Variants in PAM observed in about 807,000 individuals in gnomAD.
PAM encodes peptidylglycine alpha-amidating monooxygenase, also known as peptidyl-glycine alpha-amidating monooxygenase.
Under a neutral mutation model 122.1 loss-of-function variants are expected in PAM, and 72 were observed. That is an observed-to-expected ratio of 0.59 (90% CI 0.49 to 0.72). PAM has a LOEUF of 0.72. Among genes scored for constraint, PAM ranks in the 30% least tolerant of loss-of-function variants. The pLI is 0.00. For synonymous variants in PAM, 389 were observed against 404.4 expected, an observed-to-expected ratio of 0.96 and a Z score of 0.46; for missense variants, 1,106 against 1,183.7, an observed-to-expected ratio of 0.93 and a Z score of 0.96.
chr5:103,018,698 G>A (rs1782706866), intron 22 of PAM, among the ~76,000 whole-genome samples: 1 of 152,156 alleles, frequency 6.6e-6, no homozygotes, highest in Admixed American at 6.5e-5. Flanking sequence ...TTTGAAAGAT[G>A]GAGAAGACTT....
At chr5:102,960,962 A>C (rs1206913056) in intron 13 of PAM, among the ~76,000 whole-genome samples, 196 bp from the exon 14 acceptor site, 1 of 110,282 alleles carries the variant, frequency 9.1e-6, no homozygotes, top group Admixed American at 1.3e-4. Flanking sequence ...GATGTCTTGT[A>C]ATTGGTAGGT....
At chr5:102,879,978 A>C (rs1790441249) in intron 3 of PAM, among the ~76,000 whole-genome samples, 1 of 152,112 alleles carries the variant, frequency 6.6e-6, no homozygotes, top group South Asian at 2.1e-4. Context: ...ACATATCCCC[A>C]TTGTTAAGTG....
chr5:103,008,815 G>T (rs1439188893), intron 20 of PAM, among the ~76,000 whole-genome samples: 1 of 151,968 alleles, frequency 6.6e-6, no homozygotes, highest in East Asian at 1.9e-4. Context: ...AATTAAGAGG[G>T]TGATCAAGTT....
chr5:102,911,456 A>AT (rs979814396), intron 4 of PAM, among the ~76,000 whole-genome samples: 86 of 152,044 alleles, frequency 5.7e-4, no homozygotes, highest in African/African-American at 2.0e-3. Context: ...AGTAGAGCAA[A>AT]TAAATAAGTG....
At chr5:102,994,525 G>A (rs933420602) in intron 16 of PAM, among the ~76,000 whole-genome samples, 2 of 152,094 alleles carry the variant, frequency 1.3e-5, no homozygotes, top group Admixed American at 1.3e-4. Flanking sequence ...TTTGATCAGT[G>A]TTACAATTAG....
chr5:102,993,027 A>G (rs566419607), intron 16 of PAM, among the ~76,000 whole-genome samples: 1 of 152,226 alleles, frequency 6.6e-6, no homozygotes, highest in African/African-American at 2.4e-5. Flanking sequence ...CCCACCTGGT[A>G]ACCCTGATCA....
intron 16 of PAM, among the ~76,000 whole-genome samples, chr5:103,000,723 CAAG>C (rs1777118712): frequency 1.3e-5 from 2 of 151,982 alleles, no homozygotes; most frequent in Non-Finnish European, 2.9e-5. Context: ...CACATGATGG[CAAG>C]AAGGAGAAGT....
intron 15 of PAM, among the ~76,000 whole-genome samples, chr5:102,985,575 A>G (rs1016556186): frequency 4.6e-5 from 7 of 152,110 alleles, no homozygotes; most frequent in African/African-American, 1.7e-4. Flanking sequence ...GAACACACCA[A>G]TAACAGGTAA....
At position 103,007,452 on chromosome 5, in the gene PAM, T is replaced by G; in HGVS notation, c.2015-5T>G. ...GTGTATCTAAGGCTTTTTTTTGTTCTGCAGAGTCTTCAGGGAGCAGTCCTC... is the reference window on the plus strand; with the variant it reads ...GTGTATCTAAGGCTTTTTTTTGTTCGGCAGAGTCTTCAGGGAGCAGTCCTC... On this transcript the variant is annotated splice_region_variant and splice_polypyrimidine_tract_variant and intron_variant, in intron 19 of 25. Coordinates refer to ENST00000438793, the MANE Select transcript of PAM (RefSeq NM_001177306.2). The G allele has an allele frequency of 6.2e-7, 1 of 1,613,198 alleles. No homozygotes were observed. Among genetic ancestry groups the G allele is most frequent in the Non-Finnish European group, 8.5e-7 (1 of 1,179,308 alleles).
chr5:102,788,811 A>G (rs1427921959), intron 1 of PAM, among the ~76,000 whole-genome samples: 1 of 152,154 alleles, frequency 6.6e-6, no homozygotes, highest in Non-Finnish European at 1.5e-5. Flanking sequence ...AGTAACTACT[A>G]TTTTAATAAC....
intron 7 of PAM, among the ~76,000 whole-genome samples, chr5:102,927,295 T>A (rs910760950): frequency 1.3e-5 from 2 of 152,184 alleles, no homozygotes; most frequent in Admixed American, 6.5e-5. Context: ...AGGGGCCCTG[T>A]TCCCAAGGCA....
intron 12 of PAM, among the ~76,000 whole-genome samples, chr5:102,958,523 TTTGACACCA>T (rs1761504422): frequency 6.6e-6 from 1 of 152,190 alleles, no homozygotes; most frequent in Non-Finnish European, 1.5e-5. Flanking sequence ...GGAATGGTGT[TTTGACACCA>T]TGAAGACATG....
intron 15 of PAM, among the ~76,000 whole-genome samples, chr5:102,983,176 T>G (rs1365816687): frequency 6.6e-6 from 1 of 152,040 alleles, no homozygotes; most frequent in Non-Finnish European, 1.5e-5. Context: ...CCAGGCATGG[T>G]GGCTTATGCC....
In PAM at chr5:102,758,068, A is replaced by ATT. The variant is rs1751039527; in HGVS notation, c.-374+2723_-374+2724dup. ...AAAAAAAAAAAAAAAAAGACTTAGA[A>ATT]TTTTGTTTTTTTTTTTTTTTTTTTT... is the stretch of plus-strand genomic sequence containing the variant. On this transcript the variant is annotated intron_variant, in intron 1 of 25. Transcript: ENST00000438793. Among the ~76,000 whole-genome samples the ATT allele has an allele frequency of 6.2e-4, 54 of 87,612 alleles. 2 individuals are homozygous for ATT. Among genetic ancestry groups the ATT allele is most frequent in the East Asian group, 9.4e-4 (3 of 3,186 alleles). 57.5% of individuals were successfully genotyped at this position (87,612 alleles called of 152,430 possible). A position where few individuals can be genotyped will look rare whatever the true frequency, so the allele number is the denominator to read the frequency against.
Position 102,829,373 on chromosome 5 carries a change from T to G in PAM, c.-373-36450T>G, listed in dbSNP as rs539428976. Among the ~76,000 whole-genome samples the G allele has an allele frequency of 8.9e-3, 1,319 of 148,602 alleles. 21 individuals carry two copies. The highest frequency in any genetic ancestry group is 0.032 in the African/African-American group (1,276 of 40,322). ...GTGAGCAACTGGGAGGTTTTTTTTT[T>G]TTTTTTTTTTTTTTTTGAGATGGAG... On this transcript the variant is annotated intron_variant, in intron 1 of 25. Coordinates refer to ENST00000438793, the MANE Select transcript of PAM (RefSeq NM_001177306.2).
intron 1 of PAM, among the ~76,000 whole-genome samples, chr5:102,860,839 A>G (rs575945194): frequency 2.2e-4 from 34 of 152,296 alleles, no homozygotes; most frequent in South Asian, 1.5e-3. Context: ...AGTCACAATC[A>G]TAGCCACTTA....
At chr5:102,972,622 C>G (rs892853500) in intron 14 of PAM, among the ~76,000 whole-genome samples, 4 of 152,136 alleles carry the variant, frequency 2.6e-5, no homozygotes, top group Non-Finnish European at 5.9e-5. Context: ...CTGAAATACT[C>G]TTGTATTTTA....
intron 14 of PAM, among the ~76,000 whole-genome samples, chr5:102,962,355 G>A (rs1762754143): frequency 6.6e-6 from 1 of 151,786 alleles, no homozygotes; most frequent in Admixed American, 6.6e-5. Context: ...TTATATATTT[G>A]TAAGTAAGCC....
rs1235529352 is a variant in PAM, at chr5:103,007,505, G to T, written c.2063G>T (p.Ser688Ile). Residue 688 changes from serine to isoleucine, a missense_variant, in exon 20 of 26, where the codon AGC becomes ATC. By Grantham distance (142) the Ser-to-Ile change is moderately radical. Around this residue, in one of 3 missense-constraint regions of PAM, gnomAD observed 103 missense variants for 157.9 expected, o/e 0.65. Transcript: ENST00000438793. ...PLPGQFTVPH[S>I]LALVPLLGQL... ...CCAGGCCAGTTCACTGTTCCTCACA[G>T]CTTGGCTCTTGTGCCTCTTTTGGGC... 1 of 1,614,072 alleles carries T rather than the reference G, an allele frequency of 6.2e-7. No homozygotes were observed. The highest frequency in any genetic ancestry group is 1.1e-5 in the South Asian group (1 of 91,080).
Sources: gnomAD v4.1 joint callset for allele counts (sites outside exome capture counted in the v4.1 genomes callset) on GRCh38, gnomAD v4.1.1 for gene constraint, gnomAD v4.1.1 regional missense constraint, MANE v1.5 for transcripts, NCBI Gene and HGNC (gene_info 2026-07-23, HGNC 2026-07-21) for gene names.